DENND1A: variants seen among roughly 807,000 people sequenced by gnomAD.
DENND1A encodes the protein DENN domain containing 1A.
DENND1A carries 51 observed loss-of-function variants against 113.7 expected under a neutral mutation model. That is an observed-to-expected ratio of 0.45 (90% CI 0.36 to 0.57). DENND1A has a LOEUF of 0.57. Ranked by LOEUF, DENND1A falls within the 20% of genes least tolerant of loss-of-function variation. The pLI is 0.00. For synonymous variants in DENND1A, 565 were observed against 570.8 expected (o/e 0.99, Z 0.14); for missense variants, 1,258 against 1,395.9 (o/e 0.90, Z 1.57).
intron 1 of DENND1A, among the ~76,000 whole-genome samples, chr9:123,910,572 A>C (rs1428141527): frequency 2.0e-5 from 3 of 152,252 alleles, no homozygotes; most frequent in African/African-American, 7.2e-5. Flanking sequence ...AATATTTCTT[A>C]AACAGAACAC....
At chr9:123,901,537 A>G (rs563822081) in intron 1 of DENND1A, among the ~76,000 whole-genome samples, 55 of 152,196 alleles carry the variant, frequency 3.6e-4, no homozygotes, top group African/African-American at 1.3e-3. Context: ...ACTTAATATA[A>G]CCCATATCAA....
At chr9:123,758,476 C>G (rs1001277435) in intron 4 of DENND1A, among the ~76,000 whole-genome samples, 17 of 152,192 alleles carry the variant, frequency 1.1e-4, no homozygotes, top group Non-Finnish European at 2.9e-5. Flanking sequence ...CACGTTCACA[C>G]AGCTACAAAG....
intron 13 of DENND1A, among the ~76,000 whole-genome samples, chr9:123,536,915 C>A (rs997526242): frequency 1.8e-4 from 27 of 152,154 alleles, no homozygotes; most frequent in African/African-American, 6.3e-4. Context: ...AACTTCTTCT[C>A]ATTCTAAAGT....
chr9:123,554,409 G>T (rs1367169152), intron 13 of DENND1A, among the ~76,000 whole-genome samples: 1 of 152,164 alleles, frequency 6.6e-6, no homozygotes, highest in Non-Finnish European at 1.5e-5. Flanking sequence ...TAGAGATGGG[G>T]TCTCTCTATG....
Position 123,422,508 on chromosome 9 carries a change from GT to G in DENND1A, c.1489-10680del, listed in dbSNP as rs57945902. Among the ~76,000 whole-genome samples the G allele has an allele frequency of 0.28, 41,044 of 146,140 alleles. 6,762 individuals are homozygous for G. The highest frequency in any genetic ancestry group is 0.48 in the African/African-American group (19,384 of 40,130). ...GATAGTCAGGTTCACCAGACAGAAG[GT>G]TTTTTTTTTTTTTCCTTCCCTCAGA... On this transcript the variant is annotated intron_variant, in intron 19 of 23. Transcript: ENST00000394215. This position sits in a 1 kb window ranked among gnomAD's most constrained non-coding sequence, Gnocchi z 4.8.
chr9:123,580,509 G>A (rs546097995), intron 12 of DENND1A, among the ~76,000 whole-genome samples: 1 of 152,202 alleles, frequency 6.6e-6, no homozygotes, highest in Admixed American at 6.5e-5. Flanking sequence ...GTGCAGGTGG[G>A]ACCAGTCAGT....
chr9:123,605,283 A>T (rs746810967), intron 11 of DENND1A, among the ~76,000 whole-genome samples: 2 of 152,084 alleles, frequency 1.3e-5, no homozygotes, highest in Non-Finnish European at 2.9e-5. Context: ...CTGTACACAA[A>T]GCATTGTTTG....
intron 1 of DENND1A, among the ~76,000 whole-genome samples, chr9:123,905,668 A>G (rs1286553032): frequency 1.3e-5 from 2 of 151,158 alleles, no homozygotes; most frequent in Non-Finnish European, 3.0e-5. Context: ...TATCCTAAAT[A>G]TATATGCACC....
chr9:123,818,392 C>A (rs1362506587), intron 2 of DENND1A, among the ~76,000 whole-genome samples: 3 of 152,098 alleles, frequency 2.0e-5, no homozygotes, highest in African/African-American at 7.2e-5. Context: ...GCGTGAGCCA[C>A]CGCACCTGGC....
intron 2 of DENND1A, chr9:123,843,168 T>G (rs1842073192): frequency 1.8e-6 from 1 of 552,878 alleles, no homozygotes; most frequent in African/African-American, 1.9e-5. Flanking sequence ...GACATGGTTG[T>G]GCATATGTTC....
At chr9:123,436,663 T>C (rs1564484912) in intron 19 of DENND1A, among the ~76,000 whole-genome samples, 2 of 152,344 alleles carry the variant, frequency 1.3e-5, no homozygotes, top group South Asian at 4.1e-4. Context: ...TAGAAACCTA[T>C]TTACTTTGCT....
At chr9:123,407,479 C>T (rs923368477) in intron 20 of DENND1A, among the ~76,000 whole-genome samples, 3 of 152,168 alleles carry the variant, frequency 2.0e-5, no homozygotes, top group African/African-American at 7.2e-5. Flanking sequence ...CACACGGTGG[C>T]AGACCACAAC....
At chr9:123,877,286 C>T (rs550285680) in intron 2 of DENND1A, among the ~76,000 whole-genome samples, 15 of 152,068 alleles carry the variant, frequency 9.9e-5, no homozygotes, top group African/African-American at 3.1e-4. Context: ...GTCAAGAGTT[C>T]GAGACAGCCT....
intron 21 of DENND1A, among the ~76,000 whole-genome samples, chr9:123,390,992 A>ATT (rs2042813063): frequency 6.6e-6 from 1 of 152,022 alleles, no homozygotes; most frequent in Admixed American, 6.6e-5. Flanking sequence ...GGAGCGAGGA[A>ATT]CCTCTGCGCT....
chr9:123,410,060 C>T (rs2044185549), intron 20 of DENND1A, among the ~76,000 whole-genome samples: 1 of 152,178 alleles, frequency 6.6e-6, no homozygotes, highest in Non-Finnish European at 1.5e-5. Context: ...CCACTGCACT[C>T]CAGCCTGAAT....
intron 5 of DENND1A, among the ~76,000 whole-genome samples, chr9:123,705,068 T>TA (rs34013646): frequency 8.0e-4 from 117 of 147,154 alleles, no homozygotes; most frequent in East Asian, 5.0e-3. Context: ...AAGATGAATT[T>TA]AAAAAAAAAA....
chr9:123,749,124 C>T (rs537562347), intron 5 of DENND1A, among the ~76,000 whole-genome samples: 5 of 152,152 alleles, frequency 3.3e-5, no homozygotes, highest in African/African-American at 4.8e-5. Flanking sequence ...TGCCATATCA[C>T]GGGCAAAACC....
At chr9:123,656,484 G>T (rs1038438620) in intron 8 of DENND1A, among the ~76,000 whole-genome samples, 4 of 151,802 alleles carry the variant, frequency 2.6e-5, no homozygotes, top group Admixed American at 2.0e-4. Flanking sequence ...AGATGTCAGG[G>T]ATATCCATAA....
At chr9:123,457,509 T>G (rs2048214861) in intron 14 of DENND1A, 74 bp from the exon 15 acceptor site, 1 of 1,241,126 alleles carries the variant, frequency 8.1e-7, no homozygotes, top group Non-Finnish European at 1.2e-6. Flanking sequence ...CTGGGCACCT[T>G]ACTGTATCCA....
Sources: allele counts gnomAD v4.1 joint callset (sites outside exome capture counted in the v4.1 genomes callset), GRCh38; gene constraint gnomAD v4.1.1; non-coding constraint Gnocchi (gnomAD v3.1); transcripts MANE v1.5; gene names NCBI Gene and HGNC (gene_info 2026-07-23, HGNC 2026-07-21).